ZNF721: variants seen among roughly 807,000 people sequenced by gnomAD.
ZNF721 encodes zinc finger protein 721.
Under a neutral mutation model 2.4 loss-of-function variants are expected in ZNF721, and 2 were observed. The observed-to-expected ratio is 0.82, with a 90% CI of 0.34 to 2.58. The LOEUF (loss-of-function observed/expected upper bound fraction) is 2.58, where lower values mean the gene tolerates loss of function less well. Ranked by LOEUF, ZNF721 falls within the 30% of genes most tolerant of loss-of-function variation. The pLI is 0.11. For synonymous variants in ZNF721, 398 were observed against 381.8 expected (o/e 1.04, Z -0.50); for missense variants, 1,187 against 1,085.5 (o/e 1.09, Z -1.31).
intron 2 of ZNF721, among the ~76,000 whole-genome samples, chr4:457,078 TACATGCAAAGAAAATGCA>T: frequency 6.6e-6 from 1 of 152,318 alleles, no homozygotes; most frequent in African/African-American, 2.4e-5. Flanking sequence ...TTTGAATCCT[TACATGCAAAGAAAATGCA>T]TCTCAATTAA....
At chr4:462,964 G>A (rs1715115234) in intron 2 of ZNF721, among the ~76,000 whole-genome samples, 2 of 152,128 alleles carry the variant, frequency 1.3e-5, no homozygotes. Context: ...GAGTGAACAG[G>A]CAACCTACAG....
intron 2 of ZNF721, among the ~76,000 whole-genome samples, chr4:444,880 T>C (rs1714421267): frequency 6.6e-6 from 1 of 152,166 alleles, no homozygotes; most frequent in Non-Finnish European, 1.5e-5. Context: ...TGGTGATACT[T>C]TGGAAGAACA....
Position 442,008 on chromosome 4 carries a change from C to A in ZNF721, c.2459G>T (p.Ser820Ile). ...KCLECGKAFT[S>I]STTLTKHRRI... ...CCTATGTTTAGTAAGGGTTGTGGAA[C>A]TAGTAAACGCTTTACCACATTCTAA... The change falls in exon 3 of 3, where the codon AGT becomes ATT. Residue 820 changes from serine (S) to isoleucine (I), a missense_variant. Transcript: ENST00000511833. 1 of 1,613,836 alleles carries A rather than the reference C, an allele frequency of 6.2e-7. No individual in the cohort carries two copies. Among genetic ancestry groups the A allele is most frequent in the South Asian group, 1.1e-5 (1 of 91,060 alleles).
At chr4:483,733 T>C (rs1176127470) in intron 1 of ZNF721, among the ~76,000 whole-genome samples, 1 of 152,234 alleles carries the variant, frequency 6.6e-6, no homozygotes, top group Non-Finnish European at 1.5e-5. Flanking sequence ...GATGTATTTC[T>C]GTATGCATGT....
chr4:472,645 G>C lies in ZNF721; in HGVS notation c.-37C>G. 1 of 1,613,952 alleles carries C rather than the reference G, an allele frequency of 6.2e-7. No individual in the cohort carries two copies. Among genetic ancestry groups the C allele is most frequent in the East Asian group, 2.2e-5 (1 of 44,870 alleles). Reference sequence around the variant, plus strand: ...ACAAATTCTGCTGGGCAGGGTCCAGGCATTTCCACTCTTCTGGAGAGAATT... The same window carrying C: ...ACAAATTCTGCTGGGCAGGGTCCAGCCATTTCCACTCTTCTGGAGAGAATT... On this transcript the variant is annotated 5_prime_UTR_variant, in exon 2 of 3. Transcript: ENST00000511833.
Position 443,609 on chromosome 4 carries a change from A to T in ZNF721, c.858T>A (p.Phe286Leu). The change falls in exon 3 of 3, where the codon TTT becomes TTA. Residue 286 changes from phenylalanine to leucine, a missense_variant. Transcript: ENST00000511833. ...GTTTAGTAAGGGTTGTGGAAATATT[A>T]AAGGCTTTACCACATTCTAAACATT... ...PFKCLECGKA[F>L]NISTTLTKHR... The T allele has an allele frequency of 6.2e-7, 1 of 1,614,026 alleles. No homozygotes were observed. The highest frequency in any genetic ancestry group is 8.5e-7 in the Non-Finnish European group (1 of 1,179,944).
At chr4:457,513 C>T (rs1462035230) in intron 2 of ZNF721, among the ~76,000 whole-genome samples, 1 of 152,222 alleles carries the variant, frequency 6.6e-6, no homozygotes, top group African/African-American at 2.4e-5. Context: ...CTAGCACCAT[C>T]TGTGAAGACA....
At chr4:483,305 C>T (rs1193559587) in intron 1 of ZNF721, among the ~76,000 whole-genome samples, 1 of 152,150 alleles carries the variant, frequency 6.6e-6, no homozygotes, top group African/African-American at 2.4e-5. Context: ...AATCCCAGCA[C>T]TTTGGGAGGC....
At chr4:451,729 A>G (rs1019182964) in intron 2 of ZNF721, among the ~76,000 whole-genome samples, 3 of 152,162 alleles carry the variant, frequency 2.0e-5, no homozygotes, top group Non-Finnish European at 4.4e-5. Flanking sequence ...CCCCTAACGC[A>G]TTTCCTGCAC....
chr4:447,418 C>T (rs1273304559), intron 2 of ZNF721, among the ~76,000 whole-genome samples: 7 of 151,256 alleles, frequency 4.6e-5, no homozygotes, highest in African/African-American at 7.3e-5. Context: ...TCTATAGATA[C>T]GCCAAAAAAT....
chr4:446,615 G>A (rs1207799121), intron 2 of ZNF721, among the ~76,000 whole-genome samples: 6 of 152,082 alleles, frequency 3.9e-5, no homozygotes, highest in East Asian at 1.9e-4. Context: ...TCCTGACCTC[G>A]TTATCTGCCT....
intron 2 of ZNF721, among the ~76,000 whole-genome samples, chr4:467,894 T>C (rs1179814899): frequency 6.6e-6 from 1 of 151,926 alleles, no homozygotes; most frequent in Non-Finnish European, 1.5e-5. Context: ...CCCAGCACTT[T>C]GGGAGGCCGA....
Position 442,574 on chromosome 4 carries a change from C to T in ZNF721, c.1893G>A (p.Gln631=). 1 of 1,612,932 alleles carries T rather than the reference C, an allele frequency of 6.2e-7. No individual in the cohort carries two copies. Among genetic ancestry groups the T allele is most frequent in the Non-Finnish European group, 8.5e-7 (1 of 1,179,670 alleles). ...DFVWYTDLNQ[Q]KKIYTGEKPY... is the part of the protein sequence containing the mutation. ...GTTTCTCCCCAGTGTAAATTTTCTT[C>T]TGTTGATTCAGGTCCGTGTACCATA... is the stretch of plus-strand genomic sequence containing the variant. Residue 631 remains glutamine (Q), a synonymous_variant, in exon 3 of 3, where the codon CAG becomes CAA. Coordinates refer to ENST00000511833, the MANE Select transcript of ZNF721 (RefSeq NM_133474.4).
rs1553863164 is a variant in ZNF721, at chr4:441,793, G to A, written c.2674C>T (p.Pro892Ser). The A allele has an allele frequency of 6.2e-7, 1 of 1,613,208 alleles. No homozygotes were observed. The highest frequency in any genetic ancestry group is 8.5e-7 in the Non-Finnish European group (1 of 1,179,730). ...AHKKIHTGEK[P>S]YTCGDCGKTF... Reference sequence around the variant, plus strand: ...TTGCCACAGTCTCCACACGTGTAGGGTTTCTCTCCAGTATGAATTTTCTTA... The same window carrying A: ...TTGCCACAGTCTCCACACGTGTAGGATTTCTCTCCAGTATGAATTTTCTTA... Residue 892 changes from proline to serine, a missense_variant, in exon 3 of 3, where the codon CCC becomes TCC. By Grantham distance (74) the Pro-to-Ser change is moderately conservative (BLOSUM62 -1). Coordinates refer to ENST00000511833, the MANE Select transcript of ZNF721 (RefSeq NM_133474.4).
At chr4:448,820 T>C (rs1193060389) in intron 2 of ZNF721, among the ~76,000 whole-genome samples, 1 of 152,234 alleles carries the variant, frequency 6.6e-6, no homozygotes, top group African/African-American at 2.4e-5. Flanking sequence ...TCATAATTAC[T>C]GCAGCATTGT....
intron 2 of ZNF721, chr4:453,540 A>C (rs1714741229): frequency 6.6e-6 from 1 of 152,218 alleles, no homozygotes; most frequent in South Asian, 2.1e-4. Context: ...TTACATGTTC[A>C]AGCCTGGTAA....
chr4:468,464 T>C (rs189250741), intron 2 of ZNF721, among the ~76,000 whole-genome samples: 1 of 151,866 alleles, frequency 6.6e-6, no homozygotes, highest in Non-Finnish European at 1.5e-5. Flanking sequence ...TCCCAGGTAG[T>C]CAGTAAAAGC....
intron 2 of ZNF721, among the ~76,000 whole-genome samples, chr4:465,000 G>C (rs1163708437): frequency 2.0e-5 from 3 of 151,338 alleles, no homozygotes; most frequent in Admixed American, 6.6e-5. Flanking sequence ...CAGAAGAATT[G>C]CTTGAACCCA....
intron 1 of ZNF721, chr4:473,889 C>G: frequency 7.0e-7 from 1 of 1,424,446 alleles, no homozygotes; most frequent in South Asian, 1.1e-5. Flanking sequence ...GCAGCGGGGA[C>G]TCCGTTCGCA....
Sources: gnomAD v4.1 joint callset for allele counts (sites outside exome capture counted in the v4.1 genomes callset) on GRCh38, gnomAD v4.1.1 for gene constraint, MANE v1.5 for transcripts, NCBI Gene and HGNC (gene_info 2026-07-23, HGNC 2026-07-21) for gene names.